CCSER1: variants seen among roughly 807,000 people sequenced by gnomAD.
The protein encoded by CCSER1 is serine-rich coiled-coil domain-containing protein 1.
CCSER1 carries 41 observed loss-of-function variants against 82.0 expected under a neutral mutation model. The observed-to-expected ratio is 0.50, with a 90% CI of 0.39 to 0.65. The LOEUF is 0.65. Among genes scored for constraint, CCSER1 ranks in the 30% least tolerant of loss-of-function variants. The pLI is 0.00. For synonymous variants in CCSER1, 414 were observed against 383.9 expected, an observed-to-expected ratio of 1.08 and a Z score of -0.92; for missense variants, 1,119 against 1,064.2, an observed-to-expected ratio of 1.05 and a Z score of -0.72.
chr4:90,891,952 A>G (rs1322370440), intron 8 of CCSER1, among the ~76,000 whole-genome samples: 3 of 152,114 alleles, frequency 2.0e-5, no homozygotes, highest in Non-Finnish European at 1.5e-5. Context: ...AGTAGTCTAC[A>G]CTGCTAAACC....
chr4:90,131,284 A>C (rs1722793715), intron 1 of CCSER1, among the ~76,000 whole-genome samples: 1 of 152,236 alleles, frequency 6.6e-6, no homozygotes, highest in African/African-American at 2.4e-5. Context: ...AACAGGCGTG[A>C]GCTACCACGC....
At chr4:90,252,153 C>A (rs1367031763) in intron 1 of CCSER1, among the ~76,000 whole-genome samples, 2 of 151,712 alleles carry the variant, frequency 1.3e-5, no homozygotes, top group Non-Finnish European at 3.0e-5. Flanking sequence ...ATTTGGAATT[C>A]TTGAATTATA....
At chr4:90,890,061 A>G (rs1034279608) in intron 8 of CCSER1, among the ~76,000 whole-genome samples, 1 of 152,150 alleles carries the variant, frequency 6.6e-6, no homozygotes, top group East Asian at 1.9e-4. Flanking sequence ...ATCTTTCTAG[A>G]TTTTAAAAAA....
rs536259330 is a variant in CCSER1, at chr4:91,557,984, G to A, written c.2218-40588G>A. Among the ~76,000 whole-genome samples, 13 of 150,702 alleles carry A rather than the reference G, an allele frequency of 8.6e-5. No homozygotes were observed. In the East Asian group the frequency reaches 2.5e-3, roughly 29 times the overall value. On this transcript the variant is annotated intron_variant, in intron 10 of 10. Transcript: ENST00000509176. The stretch of plus-strand genomic sequence containing the variant: ...ATACACAAAAAAAGATATTAATGGG[G>A]TAAATTAAAATACAATTAATAGTAC...
chr4:91,056,812 T>C (rs1448477395), intron 9 of CCSER1, among the ~76,000 whole-genome samples: 3 of 152,194 alleles, frequency 2.0e-5, no homozygotes. Flanking sequence ...GTAAAACCTT[T>C]TTAGATTTCT....
At chr4:90,755,862 A>G (rs888330495) in intron 7 of CCSER1, among the ~76,000 whole-genome samples, 1 of 152,230 alleles carries the variant, frequency 6.6e-6, no homozygotes, top group Admixed American at 6.5e-5. Flanking sequence ...TAAGGAATTT[A>G]CACTTCTAAA....
chr4:90,901,553 A>G (rs1451797819), intron 8 of CCSER1, among the ~76,000 whole-genome samples: 1 of 152,074 alleles, frequency 6.6e-6, no homozygotes, highest in African/African-American at 2.4e-5. Context: ...CTTCATTTTG[A>G]AGGATATAAA....
At chr4:90,590,529 G>A (rs531849682) in intron 5 of CCSER1, among the ~76,000 whole-genome samples, 30 of 151,856 alleles carry the variant, frequency 2.0e-4, no homozygotes, top group Admixed American at 5.3e-4. Flanking sequence ...GCAAAGAGCC[G>A]AGATCGCGCT....
intron 4 of CCSER1, among the ~76,000 whole-genome samples, chr4:90,424,055 C>T (rs28707017): frequency 0.018 from 2,738 of 150,090 alleles, 35 homozygotes; most frequent in African/African-American, 0.038. Flanking sequence ...TGCGCCACTG[C>T]GCTCCAGCCT....
At chr4:90,590,916 C>T (rs1399525343) in intron 5 of CCSER1, among the ~76,000 whole-genome samples, 1 of 152,160 alleles carries the variant, frequency 6.6e-6, no homozygotes, top group Non-Finnish European at 1.5e-5. Flanking sequence ...GATATTGGTT[C>T]TTCCTATCCA....
chr4:90,302,028 T>A (rs1733236692), intron 1 of CCSER1, among the ~76,000 whole-genome samples: 1 of 152,184 alleles, frequency 6.6e-6, no homozygotes, highest in Non-Finnish European at 1.5e-5. Flanking sequence ...TAAATATGCA[T>A]CTCTAAAAGT....
chr4:90,277,133 G>C (rs1373153252), intron 1 of CCSER1, among the ~76,000 whole-genome samples: 3 of 151,628 alleles, frequency 2.0e-5, no homozygotes, highest in Non-Finnish European at 4.4e-5. Flanking sequence ...TGTTAAATAC[G>C]AGTGGTTAGA....
intron 6 of CCSER1, among the ~76,000 whole-genome samples, chr4:90,711,320 A>T (rs535254199): frequency 6.6e-6 from 1 of 152,068 alleles, no homozygotes; most frequent in Non-Finnish European, 1.5e-5. Context: ...AATATGCTTT[A>T]TATCTTTCTC....
At chr4:91,160,208 C>T (rs920527705) in intron 10 of CCSER1, among the ~76,000 whole-genome samples, 9 of 152,148 alleles carry the variant, frequency 5.9e-5, no homozygotes, top group Admixed American at 2.6e-4. Flanking sequence ...ATCCATGTCC[C>T]TACAAAGGAC....
intron 3 of CCSER1, among the ~76,000 whole-genome samples, chr4:90,372,795 G>T (rs1747667562): frequency 6.6e-6 from 1 of 151,788 alleles, no homozygotes; most frequent in Non-Finnish European, 1.5e-5. Flanking sequence ...ATACTTTTGG[G>T]GTTTTGAAAT....
chr4:91,325,890 G>A (rs1746524558), intron 10 of CCSER1, among the ~76,000 whole-genome samples: 1 of 152,064 alleles, frequency 6.6e-6, no homozygotes, highest in African/African-American at 2.4e-5. Context: ...TTTGAGAAAT[G>A]AAAATATTTC....
At chr4:90,252,301 A>T (rs771629408) in intron 1 of CCSER1, among the ~76,000 whole-genome samples, 5 of 151,902 alleles carry the variant, frequency 3.3e-5, no homozygotes, top group East Asian at 1.9e-4. Context: ...TGCTCAACCT[A>T]TATATGTTTA....
chr4:90,976,856 C>T (rs72884710), intron 9 of CCSER1, among the ~76,000 whole-genome samples: 4,058 of 151,466 alleles, frequency 0.027, 150 homozygotes, highest in African/African-American at 0.077. Context: ...CTCTGTGGTA[C>T]ACACAGAAAA....
At chr4:90,674,103 AGC>A (rs1733333081) in intron 6 of CCSER1, among the ~76,000 whole-genome samples, 1 of 152,064 alleles carries the variant, frequency 6.6e-6, no homozygotes, top group Admixed American at 6.6e-5. Context: ...AGGCCTATTT[AGC>A]TTTGTAAAGG....
Sources: gnomAD v4.1 joint callset for allele counts (sites outside exome capture counted in the v4.1 genomes callset) on GRCh38, gnomAD v4.1.1 for gene constraint, MANE v1.5 for transcripts, NCBI Gene and HGNC (gene_info 2026-07-23, HGNC 2026-07-21) for gene names.